Variants in EVC2 observed in about 807,000 individuals in gnomAD.
EVC2 encodes limbin.
A neutral mutation model predicts 149.3 loss-of-function variants in EVC2; 148 were observed. That is an observed-to-expected ratio of 0.99 (90% CI 0.87 to 1.14). The LOEUF (loss-of-function observed/expected upper bound fraction) is 1.14. Among genes scored for constraint, EVC2 ranks in the 50% most tolerant of loss-of-function variants. The pLI is 0.00. For missense variants in EVC2, 1,854 were observed against 1,627.3 expected, an observed-to-expected ratio of 1.14 and a Z score of -2.40; for synonymous variants, 776 against 649.9, an observed-to-expected ratio of 1.19 and a Z score of -2.95.
At chr4:5,572,588 C>T (rs544256829) in intron 19 of EVC2, among the ~76,000 whole-genome samples, 29 of 152,120 alleles carry the variant, frequency 1.9e-4, no homozygotes, top group African/African-American at 2.7e-4. Context: ...ACCTTGATTT[C>T]GGACTTCCCA....
chr4:5,665,800 C>T, intron 7 of EVC2, 151 bp from the exon 8 acceptor site: 1 of 1,232,184 alleles, frequency 8.1e-7, no homozygotes, highest in Non-Finnish European at 1.2e-6. Flanking sequence ...AGCTGGCTGC[C>T]TGGAGGCCCT....
At chr4:5,629,022 T>G (rs149412522) in intron 11 of EVC2, among the ~76,000 whole-genome samples, 2 of 152,312 alleles carry the variant, frequency 1.3e-5, no homozygotes, top group East Asian at 3.9e-4. Context: ...CAGCCATTTA[T>G]CCTTCATCCA....
chr4:5,675,611 CTA>C (rs901946623), intron 7 of EVC2, among the ~76,000 whole-genome samples: 30 of 152,256 alleles, frequency 2.0e-4, no homozygotes, highest in Admixed American at 1.6e-3. Context: ...TCAGATGAAA[CTA>C]TGATTTTTTT....
chr4:5,579,170 C>T (rs896907997), intron 17 of EVC2, among the ~76,000 whole-genome samples: 2 of 151,970 alleles, frequency 1.3e-5, no homozygotes, highest in South Asian at 2.1e-4. Context: ...AGGGGGGTAA[C>T]TAGAGTAGGG....
chr4:5,584,494 T>C, intron 17 of EVC2, 129 bp downstream of exon 17: 1 of 954,380 alleles, frequency 1.0e-6, no homozygotes, highest in Non-Finnish European at 1.6e-6. Flanking sequence ...TCACTTCGTT[T>C]AATCCTCACC....
chr4:5,592,478 A>G (rs1206780185), intron 16 of EVC2, among the ~76,000 whole-genome samples: 1 of 152,186 alleles, frequency 6.6e-6, no homozygotes, highest in African/African-American at 2.4e-5. Flanking sequence ...GCCCCGCCAA[A>G]TACCAGGAAT....
intron 9 of EVC2, among the ~76,000 whole-genome samples, chr4:5,658,275 C>T (rs904559035): frequency 7.2e-5 from 11 of 152,082 alleles, no homozygotes; most frequent in Non-Finnish European, 1.3e-4. Context: ...CTTGCATGAA[C>T]CAGCAACCCA....
rs374566276 is a variant in EVC2, at chr4:5,670,728, C to G, written c.871-5079G>C. 1.3e-5 allele frequency among the ~76,000 whole-genome samples: 2 copies of G among 152,068 alleles called. No homozygotes were observed. The highest frequency in any genetic ancestry group is 2.9e-5 in the Non-Finnish European group (2 of 68,026). Reference sequence around the variant, plus strand: ...TCATCAATATCTCCATCACCATCATCTTCACCATCACCATCAACGCCATCA... The same window carrying G: ...TCATCAATATCTCCATCACCATCATGTTCACCATCACCATCAACGCCATCA... On this transcript the variant is annotated intron_variant, in intron 7 of 21. Coordinates refer to ENST00000344408, the MANE Select transcript of EVC2 (RefSeq NM_147127.5). This position sits in a 1 kb window ranked among gnomAD's most constrained non-coding sequence, Gnocchi z 5.2.
intron 6 of EVC2, among the ~76,000 whole-genome samples, chr4:5,683,769 G>A (rs368017222): frequency 7.4e-6 from 1 of 134,616 alleles, no homozygotes; most frequent in Non-Finnish European, 1.7e-5. Flanking sequence ...AAGCCAGCCC[G>A]GCCCAGGAAC....
intron 2 of EVC2, among the ~76,000 whole-genome samples, chr4:5,697,040 CA>C (rs1721518493): frequency 6.6e-6 from 1 of 152,170 alleles, no homozygotes; most frequent in South Asian, 2.1e-4. Context: ...ACTACTGAGG[CA>C]CGATGCCATG....
In EVC2 at chr4:5,640,475, G is replaced by C; in HGVS notation, c.1470+39C>G. ...ATGGATAAATGACAAATCCCTGAGA[G>C]AAAGGGAAGTGAACGCCTTCCTTTC... On this transcript the variant is annotated intron_variant, in intron 10 of 21. Transcript: ENST00000344408. This position sits in a 1 kb window ranked among gnomAD's most constrained non-coding sequence, Gnocchi z 4.6. The C allele has an allele frequency of 1.2e-6, 2 of 1,610,186 alleles. No individual in the cohort carries two copies. Among genetic ancestry groups the C allele is most frequent in the Non-Finnish European group, 1.7e-6 (2 of 1,176,492 alleles).
rs189651368 is a variant in EVC2, at chr4:5,625,988, A to G, written c.1887-80T>C. ...TAACTGCTATTGTGCCTGAACATTCATCTCCATATTAGTTTGGTTTGAATC... is the reference window on the plus strand; with the variant it reads ...TAACTGCTATTGTGCCTGAACATTCGTCTCCATATTAGTTTGGTTTGAATC... On this transcript the variant is annotated intron_variant, in intron 12 of 21. Transcript: ENST00000344408. This position sits in a 1 kb window ranked among gnomAD's most constrained non-coding sequence, Gnocchi z 4.0. 144 of 1,544,878 alleles carry G rather than the reference A, an allele frequency of 9.3e-5. No individual in the cohort carries two copies. The African/African-American group carries it at 1.5e-3, about 16-fold the overall frequency.
At chr4:5,639,630 C>T (rs968528974) in intron 10 of EVC2, among the ~76,000 whole-genome samples, 1 of 152,210 alleles carries the variant, frequency 6.6e-6, no homozygotes, top group African/African-American at 2.4e-5. Flanking sequence ...ATGGAATGTA[C>T]TAGACTGTGA....
chr4:5,647,780 G>T (rs1252350159), intron 9 of EVC2, among the ~76,000 whole-genome samples: 1 of 152,190 alleles, frequency 6.6e-6, no homozygotes, highest in Non-Finnish European at 1.5e-5. Context: ...CATGGCAAAG[G>T]GGAATTAAGG....
At chr4:5,697,787 C>G in intron 1 of EVC2, 140 bp from the exon 2 acceptor site, 1 of 749,648 alleles carries the variant, frequency 1.3e-6, no homozygotes, top group Non-Finnish European at 2.3e-6. Context: ...GCTCTGTCAC[C>G]CAGGCTGCAG....
At chr4:5,571,860 T>C (rs983045405) in intron 19 of EVC2, among the ~76,000 whole-genome samples, 2 of 152,202 alleles carry the variant, frequency 1.3e-5, no homozygotes, top group Non-Finnish European at 2.9e-5. Flanking sequence ...CCTGTCATAA[T>C]GTGGCTGGCC....
In EVC2 at chr4:5,597,698, C is replaced by G. The variant is rs531744429; in HGVS notation, c.2830-12848G>C. Among the ~76,000 whole-genome samples the G allele has an allele frequency of 3.6e-3, 520 of 144,992 alleles. 3 individuals carry two copies. Among genetic ancestry groups the G allele is most frequent in the African/African-American group, 0.01 (408 of 39,802 alleles). On this transcript the variant is annotated intron_variant, in intron 16 of 21. Coordinates refer to ENST00000344408, the MANE Select transcript of EVC2 (RefSeq NM_147127.5). Reference sequence around the variant, plus strand: ...TCTCTCACCACTCCTATTCAACATACTGTTGGAAGTTCTGGCCAGGGCAAT... The same window carrying G: ...TCTCTCACCACTCCTATTCAACATAGTGTTGGAAGTTCTGGCCAGGGCAAT...
chr4:5,590,993 C>G (rs927893303), intron 16 of EVC2, among the ~76,000 whole-genome samples: 1 of 152,134 alleles, frequency 6.6e-6, no homozygotes, highest in Non-Finnish European at 1.5e-5. Flanking sequence ...ATCACGAGAA[C>G]AGCATGAGGG....
At chr4:5,594,006 C>T (rs895539442) in intron 16 of EVC2, among the ~76,000 whole-genome samples, 5 of 152,180 alleles carry the variant, frequency 3.3e-5, no homozygotes, top group East Asian at 1.9e-4. Context: ...AAGGCGGCAG[C>T]GAGGCTGGGG....
Sources: gnomAD v4.1 joint callset for allele counts (sites outside exome capture counted in the v4.1 genomes callset) on GRCh38, gnomAD v4.1.1 for gene constraint, Gnocchi (gnomAD v3.1) non-coding constraint, MANE v1.5 for transcripts, NCBI Gene and HGNC (gene_info 2026-07-23, HGNC 2026-07-21) for gene names.